Variants in DNAI7 observed in about 807,000 individuals in gnomAD.
DNAI7 encodes dynein axonemal intermediate chain 7.
A neutral mutation model predicts 86.6 loss-of-function variants in DNAI7; 78 were observed. The observed-to-expected ratio is 0.90, with a 90% CI of 0.75 to 1.09. DNAI7 has a LOEUF of 1.09. DNAI7 is among the 50% of genes least tolerant of loss of function. DNAI7 has a pLI of 0.00. For synonymous variants in DNAI7, 274 were observed against 273.0 expected, an observed-to-expected ratio of 1.00 and a Z score of -0.04; for missense variants, 753 against 810.2, an observed-to-expected ratio of 0.93 and a Z score of 0.86.
chr12:25,169,156 C>T (rs972875866), intron 2 of DNAI7, among the ~76,000 whole-genome samples: 2 of 152,212 alleles, frequency 1.3e-5, no homozygotes, highest in Non-Finnish European at 2.9e-5. Context: ...GTGAGGTGCA[C>T]GTACACATCC....
Position 25,132,115 on chromosome 12 carries a change from T to C in DNAI7, c.1003-8829A>G, listed in dbSNP as rs118149524. On this transcript the variant is annotated intron_variant, in intron 9 of 15. Coordinates refer to ENST00000395987, the MANE Select transcript of DNAI7 (RefSeq NM_018272.5). ...TTCACCTCAGCACAGAGGCTTATCA[T>C]GAACGTTCCCCCTTTAAAGCCAAAA... Among the ~76,000 whole-genome samples, 831 of 152,232 alleles carry C rather than the reference T, an allele frequency of 5.5e-3. 2 individuals are homozygous for C. Among genetic ancestry groups the C allele is most frequent in the Non-Finnish European group, 9.3e-3 (634 of 68,016 alleles).
At chr12:25,177,046 G>A (rs1320248339) in intron 2 of DNAI7, among the ~76,000 whole-genome samples, 1 of 151,698 alleles carries the variant, frequency 6.6e-6, no homozygotes, top group Non-Finnish European at 1.5e-5. Flanking sequence ...GGGATTACAG[G>A]TGCCCACCAC....
intron 15 of DNAI7, among the ~76,000 whole-genome samples, chr12:25,109,755 C>G (rs1949641905): frequency 6.6e-6 from 1 of 151,980 alleles, no homozygotes; most frequent in South Asian, 2.1e-4. Context: ...TTTGGCTCAC[C>G]ACAACCTCCA....
intron 12 of DNAI7, among the ~76,000 whole-genome samples, chr12:25,117,938 C>CTTTCTTTTTTTTTTTTT (rs1555154890): frequency 7.4e-6 from 1 of 135,036 alleles, no homozygotes; most frequent in Non-Finnish European, 1.6e-5. Flanking sequence ...TTTTCTTTTT[C>CTTTCTTTTTTTTTTTTT]TTTTTTTTTT....
chr12:25,151,837 T>A lies in DNAI7; in HGVS notation c.439-2063A>T, dbSNP rs531221036. Among the ~76,000 whole-genome samples the A allele has an allele frequency of 5.3e-5, 8 of 152,340 alleles. No homozygotes were observed. In the South Asian group the frequency reaches 1.7e-3, roughly 32 times the overall value. ...TTTATTTGTTAAATGACTCTTATAA[T>A]CTTGTTGTTTAGATTAAATCTCGCA... On this transcript the variant is annotated intron_variant, in intron 6 of 15. Transcript: ENST00000395987.
Position 25,119,196 on chromosome 12 carries a change from C to T in DNAI7, c.1345G>A (p.Glu449Lys). 6.2e-7 allele frequency: 1 copy of T among 1,612,634 alleles called. No individual in the cohort carries two copies. Among genetic ancestry groups the T allele is most frequent in the Non-Finnish European group, 8.5e-7 (1 of 1,179,464 alleles). The change falls in exon 12 of 16, where the codon GAG (glutamate) becomes AAG (lysine). Residue 449 changes from glutamate (E) to lysine (K), a missense_variant. Transcript: ENST00000395987. ...GGATCCTCAAAAAAGATTACATTCT[C>T]ATGAACCTCAAGTGTGACCTCTATA... The part of the protein sequence containing the change: ...PPIEVTLEVH[E>K]NVIFFEDPVV...
intron 2 of DNAI7, among the ~76,000 whole-genome samples, chr12:25,170,773 CA>C (rs757913510): frequency 1.3e-5 from 2 of 152,084 alleles, no homozygotes; most frequent in Non-Finnish European, 2.9e-5. Context: ...AAATTTTATC[CA>C]GCACTCTCTC....
At chr12:25,157,374 A>G (rs749054489) in intron 4 of DNAI7, among the ~76,000 whole-genome samples, 5 of 151,788 alleles carry the variant, frequency 3.3e-5, no homozygotes, top group African/African-American at 7.3e-5. Context: ...TTTCAATTGC[A>G]TATCTGTATA....
intron 2 of DNAI7, among the ~76,000 whole-genome samples, chr12:25,174,657 CAT>C (rs1229642933): frequency 6.9e-5 from 4 of 57,986 alleles, no homozygotes; most frequent in African/African-American, 3.1e-4. Flanking sequence ...ATATAGATAT[CAT>C]ATATATGGAA....
intron 9 of DNAI7, among the ~76,000 whole-genome samples, chr12:25,135,248 G>A (rs565022576): frequency 2.4e-4 from 36 of 152,262 alleles, no homozygotes; most frequent in African/African-American, 7.9e-4. Flanking sequence ...ACCTTACCTA[G>A]AACTGAAATG....
rs144129635 is a variant in DNAI7 at position 25,122,260 on chromosome 12, C to T, written c.1079-347G>A. ...ATCGCTTGAGCCTAGGAGTTTAAAA[C>T]GAGTCTGGGCAACATAGCAAGACCC... On this transcript the variant is annotated intron_variant, in intron 10 of 15. Transcript: ENST00000395987. Among the ~76,000 whole-genome samples, 184 of 152,006 alleles carry T rather than the reference C, an allele frequency of 1.2e-3. 1 individual carries two copies. Among genetic ancestry groups the T allele is most frequent in the African/African-American group, 4.2e-3 (173 of 41,476 alleles).
At chr12:25,194,085 G>T (rs2059456639) in intron 1 of DNAI7, among the ~76,000 whole-genome samples, 1 of 151,890 alleles carries the variant, frequency 6.6e-6, no homozygotes, top group Non-Finnish European at 1.5e-5. Flanking sequence ...CTCCCAAAGT[G>T]CTGGGATTAC....
intron 9 of DNAI7, among the ~76,000 whole-genome samples, chr12:25,124,325 C>A (rs970077289): frequency 6.6e-6 from 1 of 151,974 alleles, no homozygotes; most frequent in Non-Finnish European, 1.5e-5. Context: ...CCCTTTCCAT[C>A]ATGCCTCTGA....
chr12:25,111,772 CTTA>C lies in DNAI7; in HGVS notation c.1776_1778del (p.Asn592del), dbSNP rs1389828927. 6.4e-7 allele frequency: 1 copy of C among 1,562,306 alleles called. No homozygotes were observed. The highest frequency in any genetic ancestry group is 1.4e-5 in the African/African-American group (1 of 72,576). On this transcript the variant is annotated inframe_deletion and splice_region_variant, in exon 14 of 16. Coordinates refer to ENST00000395987, the MANE Select transcript of DNAI7 (RefSeq NM_018272.5). ...TAAATTTGGAAAGATTCATTCTTGCCTTATTGTTTATAATAACATAAAAATGAG... is the reference window on the plus strand; with the variant it reads ...TAAATTTGGAAAGATTCATTCTTGCCTTGTTTATAATAACATAAAAATGAG...
At chr12:25,173,878 T>C (rs1247225967) in intron 2 of DNAI7, among the ~76,000 whole-genome samples, 2 of 67,142 alleles carry the variant, frequency 3.0e-5, no homozygotes, top group Non-Finnish European at 2.7e-5. Flanking sequence ...CATATATATA[T>C]ACACATCATT....
At chr12:25,194,885 C>T (rs766726790) in intron 1 of DNAI7, 191 bp downstream of exon 1, 2 of 1,614,004 alleles carry the variant, frequency 1.2e-6, no homozygotes, top group South Asian at 2.2e-5. Context: ...GGGACTCCTA[C>T]CTGTCCGCCT....
At chr12:25,155,048 T>G (rs1375773925) in intron 5 of DNAI7, among the ~76,000 whole-genome samples, 1 of 152,220 alleles carries the variant, frequency 6.6e-6, no homozygotes, top group Non-Finnish European at 1.5e-5. Flanking sequence ...CTTTTACGTT[T>G]TAATTTAGCA....
At chr12:25,131,576 G>C (rs191158131) in intron 9 of DNAI7, among the ~76,000 whole-genome samples, 1 of 152,286 alleles carries the variant, frequency 6.6e-6, no homozygotes, top group East Asian at 1.9e-4. Flanking sequence ...CTGCAGAGGA[G>C]AGAGTCCCAA....
At chr12:25,107,789 C>A, downstream of DNAI7, 1 of 1,596,316 alleles carries the variant, frequency 6.3e-7, no homozygotes, top group South Asian at 1.1e-5. Flanking sequence ...TTACCGATTA[C>A]CAAATTCTAT....
Sources: gnomAD v4.1 joint callset for allele counts (sites outside exome capture counted in the v4.1 genomes callset) on GRCh38, gnomAD v4.1.1 for gene constraint, MANE v1.5 for transcripts, NCBI Gene and HGNC (gene_info 2026-07-23, HGNC 2026-07-21) for gene names.